CMTM4: variants seen among roughly 807,000 people sequenced by gnomAD.
CMTM4 encodes the protein CKLF like MARVEL transmembrane domain containing 4, also known as CKLF-like MARVEL transmembrane domain-containing protein 4.
Under a neutral mutation model 19.0 loss-of-function variants are expected in CMTM4, and 8 were observed. That is an observed-to-expected ratio of 0.42 (90% CI 0.25 to 0.76). The LOEUF (loss-of-function observed/expected upper bound fraction) is 0.76, where lower values mean the gene tolerates loss of function less well. Among genes scored for constraint, CMTM4 ranks in the 30% least tolerant of loss-of-function variants. The pLI is 0.27. For synonymous variants in CMTM4, 106 were observed against 121.1 expected, an observed-to-expected ratio of 0.88 and a Z score of 0.82; for missense variants, 228 against 290.2, an observed-to-expected ratio of 0.79 and a Z score of 1.56.
At chr16:66,599,892 T>C in the CMTM4 span, among the ~76,000 whole-genome samples, 1 of 152,138 alleles carries the variant, frequency 6.6e-6, no homozygotes, top group African/African-American at 2.4e-5. Flanking sequence ...CAGCAGCTGG[T>C]AGTGCCCCCT....
In CMTM4 at chr16:66,620,102, C is replaced by T. The variant is rs2015602359; in HGVS notation, c.*1956G>A. Reference sequence around the variant, plus strand: ...TTTTCAATCTCACTTCAAAGATGGCCTTTTTTGGGGGCCAAGTAACATGAT... The same window carrying T: ...TTTTCAATCTCACTTCAAAGATGGCTTTTTTTGGGGGCCAAGTAACATGAT... On this transcript the variant is annotated 3_prime_UTR_variant, in exon 4 of 4. Coordinates refer to ENST00000394106, the MANE Select transcript of CMTM4 (RefSeq NM_181521.3). The T allele has an allele frequency of 3.0e-6, 3 of 985,388 alleles. No homozygotes were observed. Among genetic ancestry groups the T allele is most frequent in the Non-Finnish European group, 1.2e-6 (1 of 829,924 alleles). The allele number at this position is 985,388 out of a possible 1,614,324, so 61.0% of individuals were successfully genotyped here.
chr16:66,609,829 C>T (rs200476183), downstream of CMTM4: 792 of 1,614,184 alleles, frequency 4.9e-4, 8 homozygotes, highest in South Asian at 6.0e-3. The surrounding 1 kb of genome is among the most constrained non-coding windows in gnomAD (Gnocchi z 4.4). Flanking sequence ...GGGGCAGCAG[C>T]CTCCCGGAGC....
chr16:66,631,928 A>T (rs1459331267), intron 2 of CMTM4, among the ~76,000 whole-genome samples: 1 of 152,098 alleles, frequency 6.6e-6, no homozygotes, highest in Non-Finnish European at 1.5e-5. Flanking sequence ...AATGATCAAT[A>T]AAAAAATAAA....
intron 1 of CMTM4, among the ~76,000 whole-genome samples, chr16:66,693,083 G>A (rs530353693): frequency 6.6e-6 from 1 of 152,080 alleles, no homozygotes; most frequent in East Asian, 1.9e-4. Context: ...AATTAGCCAG[G>A]CATGGTGGCA....
At chr16:66,606,306 G>A in the CMTM4 span, among the ~76,000 whole-genome samples, 1 of 152,152 alleles carries the variant, frequency 6.6e-6, no homozygotes, top group African/African-American at 2.4e-5. Flanking sequence ...CAGGAATTGA[G>A]AGGGGAATCC....
At chr16:66,675,955 C>G (rs961764481) in intron 1 of CMTM4, among the ~76,000 whole-genome samples, 3 of 151,956 alleles carry the variant, frequency 2.0e-5, no homozygotes, top group African/African-American at 7.3e-5. Flanking sequence ...TACTCCCAGT[C>G]TCCTCGTACT....
Position 66,621,204 on chromosome 16 carries a change from T to A in CMTM4, c.*854A>T, listed in dbSNP as rs1414148816. The A allele has an allele frequency of 1.0e-6, 1 of 985,524 alleles. No individual in the cohort carries two copies. Among genetic ancestry groups the A allele is most frequent in the African/African-American group, 1.7e-5 (1 of 57,246 alleles). 61.0% of individuals were successfully genotyped at this position (985,524 alleles called of 1,614,324 possible). On this transcript the variant is annotated 3_prime_UTR_variant, in exon 4 of 4. Coordinates refer to ENST00000394106, the MANE Select transcript of CMTM4 (RefSeq NM_181521.3). ...CATGCTGTTTTTTAACACAAACACCTCCCACCTGCGGTTCATGAAGCCAGC... is the reference window on the plus strand; with the variant it reads ...CATGCTGTTTTTTAACACAAACACCACCCACCTGCGGTTCATGAAGCCAGC...
intron 2 of CMTM4, among the ~76,000 whole-genome samples, chr16:66,630,706 C>T (rs1342594457): frequency 4.6e-5 from 7 of 151,860 alleles, no homozygotes; most frequent in African/African-American, 7.3e-5. Context: ...ACCTCCCAGC[C>T]GCCAGCCTTG....
At chr16:66,607,072 G>C in the CMTM4 span, among the ~76,000 whole-genome samples, 4 of 152,238 alleles carry the variant, frequency 2.6e-5, no homozygotes, top group African/African-American at 9.6e-5. Context: ...GATTAGCCAT[G>C]TGACAGAGTC....
At position 66,673,572 on chromosome 16, in the gene CMTM4, T is replaced by C. The variant is rs535164239; in HGVS notation, c.186+22768A>G. On this transcript the variant is annotated intron_variant, in intron 1 of 3. Transcript: ENST00000394106. ...ACTGCAGATTCACAATGTTGTACTG[T>C]ACTTTTGTGCAGCTACTTAACAGTG... Among the ~76,000 whole-genome samples the C allele has an allele frequency of 1.2e-4, 19 of 152,304 alleles. No homozygotes were observed. In the South Asian group the frequency reaches 3.9e-3, roughly 32 times the overall value.
At position 66,621,118 on chromosome 16, in the gene CMTM4, AATTAGC is replaced by A. The variant is rs2015625938; in HGVS notation, c.*934_*939del. ...TAGAACTCTTTGCAGGCATTTAGAA[AATTAGC>A]ACACATCCCTAAAATAGAGGGGTGT... On this transcript the variant is annotated 3_prime_UTR_variant, in exon 4 of 4. Transcript: ENST00000394106. 2.0e-6 allele frequency: 2 copies of A among 985,760 alleles called. No individual in the cohort carries two copies. The highest frequency in any genetic ancestry group is 2.4e-6 in the Non-Finnish European group (2 of 829,956). The allele number at this position is 985,760 out of a possible 1,614,324, so 61.1% of individuals were successfully genotyped here.
At chr16:66,666,118 GA>G (rs2016589593) in intron 1 of CMTM4, among the ~76,000 whole-genome samples, 1 of 149,984 alleles carries the variant, frequency 6.7e-6, no homozygotes, top group African/African-American at 2.5e-5. Flanking sequence ...GAAAGAAAGA[GA>G]AAGAAAGAAA....
chr16:66,640,470 G>A (rs2016079240), intron 1 of CMTM4, among the ~76,000 whole-genome samples: 1 of 152,138 alleles, frequency 6.6e-6, no homozygotes, highest in Non-Finnish European at 1.5e-5. Context: ...GTGGCCCCTA[G>A]GGAGAATCAC....
intron 1 of CMTM4, among the ~76,000 whole-genome samples, chr16:66,669,673 C>T (rs1211239028): frequency 6.6e-6 from 1 of 152,122 alleles, no homozygotes; most frequent in East Asian, 1.9e-4. Context: ...TCCCAAGTAG[C>T]TGGGACTACA....
chr16:66,681,071 T>A (rs1234860625), intron 1 of CMTM4, among the ~76,000 whole-genome samples: 1 of 152,108 alleles, frequency 6.6e-6, no homozygotes, highest in East Asian at 1.9e-4. Flanking sequence ...AGAATTTGGA[T>A]AGTATATTTT....
In CMTM4 at chr16:66,662,705, A is replaced by G. The variant is rs561248453; in HGVS notation, c.187-26124T>C. Among the ~76,000 whole-genome samples, 204 of 152,180 alleles carry G rather than the reference A, an allele frequency of 1.3e-3. 1 individual carries two copies. Among genetic ancestry groups the G allele is most frequent in the Middle Eastern group, 6.8e-3 (2 of 294 alleles). On this transcript the variant is annotated intron_variant, in intron 1 of 3. Coordinates refer to ENST00000394106, the MANE Select transcript of CMTM4 (RefSeq NM_181521.3). The stretch of plus-strand genomic sequence containing the variant: ...ACCATGTGGCCTAGGACATGGACAC[A>G]GCTGTGGAAACTGTTCAACAGAGTA...
the CMTM4 span, chr16:66,604,540 C>A: frequency 1.0e-5 from 3 of 293,266 alleles, no homozygotes; most frequent in South Asian, 4.9e-4. Context: ...CGGCCCGAAC[C>A]AGGGTGAAGA....
chr16:66,638,485 G>A (rs1171530656), intron 1 of CMTM4, among the ~76,000 whole-genome samples: 2 of 152,212 alleles, frequency 1.3e-5, no homozygotes, highest in African/African-American at 2.4e-5. Context: ...ATTTCAGTTA[G>A]ACAGGAAGAA....
At chr16:66,604,712 C>G in the CMTM4 span, 1 of 1,010,654 alleles carries the variant, frequency 9.9e-7, no homozygotes, top group Admixed American at 4.5e-5. Flanking sequence ...CCAGTGTCGC[C>G]TGCCCTCCTT....
Sources: gnomAD v4.1 joint callset for allele counts (sites outside exome capture counted in the v4.1 genomes callset) on GRCh38, gnomAD v4.1.1 for gene constraint, Gnocchi (gnomAD v3.1) non-coding constraint, MANE v1.5 for transcripts, NCBI Gene and HGNC (gene_info 2026-07-23, HGNC 2026-07-21) for gene names.